Variants in PNPLA3 observed in about 807,000 individuals in gnomAD.
The protein encoded by PNPLA3 is patatin like domain 3, 1-acylglycerol-3-phosphate O-acyltransferase.
In PNPLA3, 42 loss-of-function variants were observed where a neutral mutation model predicts 43.1. The observed-to-expected ratio is 0.97, with a 90% CI of 0.76 to 1.26. PNPLA3 has a LOEUF of 1.26. PNPLA3 is among the 50% of genes most tolerant of loss of function. The pLI, the probability that PNPLA3 is intolerant of heterozygous loss-of-function variation, is 0.00. For synonymous variants in PNPLA3, 272 were observed against 253.6 expected (o/e 1.07, Z -0.69); for missense variants, 647 against 621.4 (o/e 1.04, Z -0.44).
intron 8 of PNPLA3, among the ~76,000 whole-genome samples, chr22:43,945,729 G>A (rs1025056327): frequency 3.3e-5 from 5 of 152,150 alleles, no homozygotes; most frequent in African/African-American, 7.2e-5. Context: ...GGGACGATCT[G>A]TAGACCGAGA....
intron 2 of PNPLA3, 123 bp from the exon 3 acceptor site, chr22:43,928,701 C>A (rs2049941318): frequency 2.4e-6 from 1 of 422,604 alleles, no homozygotes; most frequent in African/African-American, 2.1e-5. Context: ...CATGGATTAA[C>A]CTACTCTGTG....
chr22:43,929,955 T>C (rs1223579695), intron 3 of PNPLA3, among the ~76,000 whole-genome samples: 1 of 152,192 alleles, frequency 6.6e-6, no homozygotes, highest in Non-Finnish European at 1.5e-5. Flanking sequence ...TAACCTAGAT[T>C]TGTGCTTTGT....
intron 7 of PNPLA3, among the ~76,000 whole-genome samples, chr22:43,941,148 C>CAAAA (rs577344067): frequency 0.036 from 2,829 of 79,456 alleles, 112 homozygotes; most frequent in Admixed American, 0.074. Flanking sequence ...AACTCCGACT[C>CAAAA]AAAAAAAAAA....
chr22:43,931,376 G>A (rs1402381220), intron 3 of PNPLA3, among the ~76,000 whole-genome samples: 1 of 152,198 alleles, frequency 6.6e-6, no homozygotes, highest in Non-Finnish European at 1.5e-5. Context: ...AGTTCAAAAT[G>A]CATGGAAAAG....
chr22:43,944,652 C>T, intron 7 of PNPLA3, 39 bp from the exon 8 acceptor site: 1 of 1,530,802 alleles, frequency 6.5e-7, no homozygotes, highest in Non-Finnish European at 9.1e-7. Flanking sequence ...GTTGTGTCTG[C>T]CTATGTGTGT....
intron 3 of PNPLA3, among the ~76,000 whole-genome samples, chr22:43,930,588 T>A (rs754266572): frequency 1.3e-5 from 2 of 152,224 alleles, no homozygotes; most frequent in Non-Finnish European, 2.9e-5. Flanking sequence ...CTTTCCTTCC[T>A]GGTCGAGAGT....
chr22:43,935,768 G>A (rs1161494400), intron 5 of PNPLA3, among the ~76,000 whole-genome samples: 1 of 152,074 alleles, frequency 6.6e-6, no homozygotes, highest in Non-Finnish European at 1.5e-5. Context: ...TGGGAGAGGA[G>A]GGCAGGCTGG....
chr22:43,929,005 C>T (rs1442233408), intron 3 of PNPLA3, 116 bp downstream of exon 3: 1 of 1,048,042 alleles, frequency 9.5e-7, no homozygotes, highest in African/African-American at 1.6e-5. Context: ...CATGGTGGAG[C>T]CCCATGCCTC....
chr22:43,937,316 T>C, intron 6 of PNPLA3, 44 bp downstream of exon 6: 1 of 1,562,626 alleles, frequency 6.4e-7, no homozygotes, highest in Non-Finnish European at 8.7e-7. Context: ...CTTGTTTTCT[T>C]TCTTGTGCAT....
chr22:43,929,086 T>C (rs1831963594), intron 3 of PNPLA3, among the ~76,000 whole-genome samples, 197 bp downstream of exon 3: 2 of 152,226 alleles, frequency 1.3e-5, no homozygotes, highest in South Asian at 4.1e-4. Context: ...ACTTACTGCA[T>C]GTGTAATTAA....
At position 43,927,153 on chromosome 22, in the gene PNPLA3, G is replaced by A. The variant is rs749773774; in HGVS notation, c.406G>A (p.Asp136Asn). ...TCTGGTGTCTGACTTTCGGTCCAAA[G>A]ACGAAGTCGTGGATGTAAGCAGTTT... is the stretch of plus-strand genomic sequence containing the variant. Reference protein sequence around the residue: ...NVLVSDFRSKDEVVDALVCSC... With the variant: ...NVLVSDFRSKNEVVDALVCSC... The change falls in exon 2 of 9, where the codon GAC (aspartate) becomes AAC (asparagine). Residue 136 changes from aspartate (D) to asparagine (N), a missense_variant. Transcript: ENST00000216180. The A allele has an allele frequency of 6.2e-7, 1 of 1,614,094 alleles. No individual in the cohort carries two copies. Among genetic ancestry groups the A allele is most frequent in the East Asian group, 2.2e-5 (1 of 44,892 alleles).
chr22:43,939,456 A>T (rs961352308), intron 6 of PNPLA3: 1 of 926,918 alleles, frequency 1.1e-6, no homozygotes, highest in African/African-American at 1.8e-5. Context: ...TATGCTCCGT[A>T]AGCACTCTCT....
intron 2 of PNPLA3, among the ~76,000 whole-genome samples, chr22:43,928,268 G>A (rs1429861661): frequency 6.6e-6 from 1 of 152,160 alleles, no homozygotes; most frequent in East Asian, 1.9e-4. Flanking sequence ...TTCCCACATG[G>A]GTCCGTTCTC....
intron 3 of PNPLA3, among the ~76,000 whole-genome samples, chr22:43,929,330 G>A (rs948137608): frequency 5.3e-5 from 8 of 151,760 alleles, no homozygotes; most frequent in Non-Finnish European, 8.8e-5. Flanking sequence ...ACAAAAATTA[G>A]CTGGGCATGG....
intron 4 of PNPLA3, 57 bp from the exon 5 acceptor site, chr22:43,934,549 A>G: frequency 6.6e-7 from 1 of 1,512,216 alleles, no homozygotes; most frequent in Non-Finnish European, 9.2e-7. Flanking sequence ...AATGATGCTG[A>G]AATAAATGGT....
At position 43,937,352 on chromosome 22, in the gene PNPLA3, TG is replaced by T. The variant is rs555047615; in HGVS notation, c.979+83del. 5.0e-5 allele frequency: 68 copies of T among 1,354,672 alleles called. No homozygotes were observed. The African/African-American group carries it at 8.5e-4, about 17-fold the overall frequency. 83.9% of individuals were successfully genotyped at this position (1,354,672 alleles called of 1,614,324 possible). A position where few individuals can be genotyped will look rare whatever the true frequency, so the allele number is the denominator to read the frequency against. On this transcript the variant is annotated intron_variant, in intron 6 of 8. Transcript: ENST00000216180. Reference sequence around the variant, plus strand: ...TATGGAGGAAGATGGTACTGCCACATGGGAGCGATAGGGTGAGGCAACCATG... The same window carrying T: ...TATGGAGGAAGATGGTACTGCCACATGGAGCGATAGGGTGAGGCAACCATG...
At chr22:43,926,706 CTAA>C (rs5845621) in intron 1 of PNPLA3, among the ~76,000 whole-genome samples, 45,720 of 151,976 alleles carry the variant, frequency 0.3, 7,202 homozygotes, top group African/African-American at 0.42. Context: ...TAAAAATTTA[CTAA>C]TGAGATATTT....
chr22:43,945,554 G>A (rs2050057676), intron 8 of PNPLA3, among the ~76,000 whole-genome samples: 1 of 152,166 alleles, frequency 6.6e-6, no homozygotes, highest in Admixed American at 6.5e-5. Flanking sequence ...CAGGAGGTAT[G>A]GCCTCTCTTG....
In PNPLA3 at chr22:43,928,806, T is replaced by C. The variant is rs1225576857; in HGVS notation, c.421-18T>C. 4 of 1,600,208 alleles carry C rather than the reference T, an allele frequency of 2.5e-6. No individual in the cohort carries two copies. The African/African-American group carries it at 5.4e-5, about 21-fold the overall frequency. The stretch of plus-strand genomic sequence containing the variant: ...AGGGTGCTCTCGCCTATAACTTCTC[T>C]CTCCTTTGCTTTCACAGGCCTTGGT... On this transcript the variant is annotated intron_variant, in intron 2 of 8. Coordinates refer to ENST00000216180, the MANE Select transcript of PNPLA3 (RefSeq NM_025225.3).
Sources: gnomAD v4.1 joint callset for allele counts (sites outside exome capture counted in the v4.1 genomes callset) on GRCh38, gnomAD v4.1.1 for gene constraint, MANE v1.5 for transcripts, NCBI Gene and HGNC (gene_info 2026-07-23, HGNC 2026-07-21) for gene names.